PLCH1: variants seen among roughly 807,000 people sequenced by gnomAD.
The protein encoded by PLCH1 is 1-phosphatidylinositol 4,5-bisphosphate phosphodiesterase eta-1.
Under a neutral mutation model 126.7 loss-of-function variants are expected in PLCH1, and 60 were observed. The ratio of observed to expected loss-of-function variants is 0.47; its 90% confidence interval spans 0.38 to 0.59. The LOEUF (loss-of-function observed/expected upper bound fraction) is 0.59, where lower values mean the gene tolerates loss of function less well. Ranked by LOEUF, PLCH1 falls within the 20% of genes least tolerant of loss-of-function variation. The probability of loss-of-function intolerance (pLI) is 0.00; values close to 1 mark genes in which losing one functional copy is unlikely to be tolerated. For synonymous variants in PLCH1, 719 were observed against 734.9 expected (o/e 0.98, Z 0.35); for missense variants, 1,723 against 2,040.0 (o/e 0.84, Z 2.99).
chr3:155,702,961 C>T (rs1746382749), intron 2 of PLCH1, among the ~76,000 whole-genome samples: 1 of 152,162 alleles, frequency 6.6e-6, no homozygotes, highest in African/African-American at 2.4e-5. Flanking sequence ...GGCACTTCAC[C>T]ACTGGAATGT....
intron 10 of PLCH1, among the ~76,000 whole-genome samples, chr3:155,538,656 G>A (rs1222470718): frequency 6.6e-6 from 1 of 152,046 alleles, no homozygotes; most frequent in African/African-American, 2.4e-5. Flanking sequence ...TAGAGGAGAT[G>A]GGTAAGTTCC....
At chr3:155,534,883 C>G (rs905115083) in intron 10 of PLCH1, among the ~76,000 whole-genome samples, 7 of 152,272 alleles carry the variant, frequency 4.6e-5, no homozygotes, top group Middle Eastern at 6.8e-3. Context: ...CCTTTTTGCC[C>G]TCTGCCATGA....
At chr3:155,514,411 G>A (rs1720025731) in intron 12 of PLCH1, among the ~76,000 whole-genome samples, 1 of 152,142 alleles carries the variant, frequency 6.6e-6, no homozygotes, top group South Asian at 2.1e-4. Context: ...AATGTGGAGA[G>A]GTGGGAGTGT....
intron 1 of PLCH1, among the ~76,000 whole-genome samples, chr3:155,733,487 T>C (rs976419538): frequency 6.6e-6 from 1 of 152,186 alleles, no homozygotes; most frequent in Non-Finnish European, 1.5e-5. Flanking sequence ...GTCTCTTCGA[T>C]AAATAGGTTG....
chr3:155,727,953 CTTTA>C (rs1748470211), intron 1 of PLCH1, among the ~76,000 whole-genome samples: 2 of 151,692 alleles, frequency 1.3e-5, no homozygotes, highest in Non-Finnish European at 2.9e-5. Context: ...GAAATCCCAG[CTTTA>C]TAACCAAAAG....
At chr3:155,464,903 G>T (rs564442036) in intron 21 of PLCH1, among the ~76,000 whole-genome samples, 1 of 152,254 alleles carries the variant, frequency 6.6e-6, no homozygotes, top group East Asian at 1.9e-4. Context: ...AAGGTCAGGA[G>T]ATCGAGACCA....
chr3:155,670,428 C>A (rs192531097), intron 2 of PLCH1, among the ~76,000 whole-genome samples: 1 of 152,170 alleles, frequency 6.6e-6, no homozygotes, highest in Admixed American at 6.5e-5. Flanking sequence ...CTGGATTAGA[C>A]GAAAACCTTA....
intron 2 of PLCH1, among the ~76,000 whole-genome samples, chr3:155,660,319 T>C (rs1741980109): frequency 2.0e-5 from 3 of 152,252 alleles, no homozygotes; most frequent in South Asian, 4.1e-4. Flanking sequence ...CCAAGATGGC[T>C]CTCAGAGCAA....
chr3:155,545,667 G>A (rs1421197545), intron 10 of PLCH1, among the ~76,000 whole-genome samples: 1 of 152,092 alleles, frequency 6.6e-6, no homozygotes, highest in Non-Finnish European at 1.5e-5. Context: ...GAATCCAGCA[G>A]CACATCAAAA....
chr3:155,672,956 C>G (rs1256378293), intron 2 of PLCH1, among the ~76,000 whole-genome samples: 1 of 151,854 alleles, frequency 6.6e-6, no homozygotes, highest in Non-Finnish European at 1.5e-5. Flanking sequence ...CAGCCTCACC[C>G]GTTCCACCAT....
At chr3:155,653,061 G>A (rs1255195917) in intron 2 of PLCH1, among the ~76,000 whole-genome samples, 1 of 151,990 alleles carries the variant, frequency 6.6e-6, no homozygotes, top group Non-Finnish European at 1.5e-5. Flanking sequence ...GTGGGTGGGT[G>A]GGTAATTTAC....
At chr3:155,691,148 C>T (rs1028077354) in intron 2 of PLCH1, among the ~76,000 whole-genome samples, 4 of 152,168 alleles carry the variant, frequency 2.6e-5, no homozygotes, top group African/African-American at 7.2e-5. Context: ...TGGAAAAACC[C>T]TGGATTTGAG....
chr3:155,608,837 G>A (rs1577129917), intron 2 of PLCH1, among the ~76,000 whole-genome samples: 1 of 152,198 alleles, frequency 6.6e-6, no homozygotes, highest in East Asian at 1.9e-4. Flanking sequence ...TGAGAAACCA[G>A]AATATTTATC....
At chr3:155,486,304 T>C in intron 21 of PLCH1, 1 of 705,522 alleles carries the variant, frequency 1.4e-6, no homozygotes, top group Admixed American at 2.7e-5. Flanking sequence ...TACATGTCTA[T>C]AAACCCTTTC....
intron 2 of PLCH1, among the ~76,000 whole-genome samples, chr3:155,703,636 G>A (rs1746434071): frequency 6.6e-6 from 1 of 152,116 alleles, no homozygotes; most frequent in African/African-American, 2.4e-5. Flanking sequence ...TTGTTATATG[G>A]GACATAATAT....
intron 10 of PLCH1, among the ~76,000 whole-genome samples, chr3:155,546,230 C>T (rs994604568): frequency 4.6e-5 from 7 of 152,138 alleles, no homozygotes; most frequent in Non-Finnish European, 8.8e-5. Context: ...CACAAGCATT[C>T]CTATACACCA....
At chr3:155,525,878 T>C (rs1560111050) in intron 10 of PLCH1, among the ~76,000 whole-genome samples, 5 of 152,160 alleles carry the variant, frequency 3.3e-5, no homozygotes. Flanking sequence ...TAAGGGTAAT[T>C]ATCTCTTTAT....
intron 2 of PLCH1, among the ~76,000 whole-genome samples, chr3:155,643,389 G>A (rs1739631087): frequency 6.6e-6 from 1 of 152,152 alleles, no homozygotes; most frequent in Non-Finnish European, 1.5e-5. Context: ...TAAGCAGATG[G>A]TGCAGTCTCA....
chr3:155,597,553 A>C (rs2108659518), intron 2 of PLCH1, among the ~76,000 whole-genome samples: 1 of 152,326 alleles, frequency 6.6e-6, no homozygotes, highest in East Asian at 1.9e-4. Flanking sequence ...TACCTTATCA[A>C]GCAGTATGCT....
Sources: gnomAD v4.1 joint callset for allele counts (sites outside exome capture counted in the v4.1 genomes callset) on GRCh38, gnomAD v4.1.1 for gene constraint, MANE v1.5 for transcripts, NCBI Gene and HGNC (gene_info 2026-07-23, HGNC 2026-07-21) for gene names.